ZFYVE26: variants seen among roughly 807,000 people sequenced by gnomAD.
ZFYVE26 encodes zinc finger FYVE domain-containing protein 26.
Under a neutral mutation model 276.5 loss-of-function variants are expected in ZFYVE26, and 181 were observed. The observed-to-expected ratio is 0.65, with a 90% confidence interval of 0.58 to 0.74. ZFYVE26 has a LOEUF of 0.74. Ranked by LOEUF, ZFYVE26 falls within the 30% of genes least tolerant of loss-of-function variation. The pLI is 0.00. For synonymous variants in ZFYVE26, 1,129 were observed against 1,203.1 expected (o/e 0.94, Z 1.27); for missense variants, 2,821 against 3,097.9 (o/e 0.91, Z 2.12).
intron 37 of ZFYVE26, among the ~76,000 whole-genome samples, chr14:67,754,449 T>C (rs1022031711): frequency 1.3e-5 from 2 of 152,190 alleles, no homozygotes; most frequent in African/African-American, 4.8e-5. Context: ...GGTCCAGTCA[T>C]TGAATCGATA....
rs1423347396 is a variant in ZFYVE26 at position 67,805,478 on chromosome 14, C to A, written c.1158G>T (p.Leu386=). The part of the protein sequence containing the change: ...HCQSLESAKR[L]LQTLHRTQGP... ...CCTGGGTCCTGTGCAGGGTCTGGAG[C>A]AGCCTCTTGGCTGACTCTAGGCTCT... Residue 386 remains leucine, a synonymous_variant, in exon 7 of 42, where the codon CTG becomes CTT. Coordinates refer to ENST00000347230, the MANE Select transcript of ZFYVE26 (RefSeq NM_015346.4). 3 of 1,614,116 alleles carry A rather than the reference C, an allele frequency of 1.9e-6. No individual in the cohort carries two copies. The African/African-American group carries it at 4.0e-5, about 22-fold the overall frequency.
intron 40 of ZFYVE26, among the ~76,000 whole-genome samples, chr14:67,752,055 ACCT>A (rs933490136): frequency 2.6e-5 from 4 of 152,104 alleles, no homozygotes; most frequent in East Asian, 3.8e-4. Flanking sequence ...GCCCACCCTG[ACCT>A]CCTCTAGAAT....
chr14:67,790,048 T>C (rs1178672527), intron 15 of ZFYVE26, among the ~76,000 whole-genome samples: 1 of 152,228 alleles, frequency 6.6e-6, no homozygotes. Context: ...CCATGGTATG[T>C]AGGGCCTAGG....
In ZFYVE26 at chr14:67,781,399, C is replaced by T. The variant is rs1265607406; in HGVS notation, c.4503G>A (p.Thr1501=). The part of the protein sequence containing the change: ...LEILAYCISD[T]AVQEGLKCEL... Reference sequence around the variant, plus strand: ...CACACTTTAGTCCTTCTTGGACAGCCGTGTCTGAAATGCAGTAGGCCAGAA... The same window carrying T: ...CACACTTTAGTCCTTCTTGGACAGCTGTGTCTGAAATGCAGTAGGCCAGAA... Residue 1501 remains threonine, a synonymous_variant, in exon 22 of 42, where the codon ACG becomes ACA. Transcript: ENST00000347230. 25 of 1,614,098 alleles carry T rather than the reference C, an allele frequency of 1.5e-5. No homozygotes were observed. The highest frequency in any genetic ancestry group is 2.2e-5 in the East Asian group (1 of 44,902).
rs556194323 is a variant in ZFYVE26 at position 67,770,157 on chromosome 14, T to A, written c.5485-427A>T. 1.2e-4 allele frequency: 35 copies of A among 281,084 alleles called. No homozygotes were observed. In the East Asian group the frequency reaches 2.9e-3, roughly 23 times the overall value. 17.4% of individuals were successfully genotyped at this position (281,084 alleles called of 1,614,324 possible). A position where few individuals can be genotyped will look rare whatever the true frequency, so the allele number is the denominator to read the frequency against. ...TTTAGCAGGTGCCATTTGTAACACATGATAAACATGAAGCAAGACTTTTAG... is the reference window on the plus strand; with the variant it reads ...TTTAGCAGGTGCCATTTGTAACACAAGATAAACATGAAGCAAGACTTTTAG... On this transcript the variant is annotated intron_variant, in intron 28 of 41. Transcript: ENST00000347230.
Position 67,755,211 on chromosome 14 carries a change from T to G in ZFYVE26, c.6826A>C (p.Ser2276Arg). ...RAAMTCIRFF[S>R]HKAKSYTELG... ...TCTGTATATGACTTTGCTTTGTGAC[T>G]GAAGAACCGAATACAGGTCATGGCG... is the stretch of plus-strand genomic sequence containing the variant. Residue 2276 changes from serine (S) to arginine (R), a missense_variant, in exon 37 of 42, where the codon AGT (serine) becomes CGT (arginine). Physicochemically the swap from Ser to Arg is moderately radical, Grantham distance 110. Coordinates refer to ENST00000347230, the MANE Select transcript of ZFYVE26 (RefSeq NM_015346.4). 6.2e-6 allele frequency: 10 copies of G among 1,614,196 alleles called. No homozygotes were observed. The highest frequency in any genetic ancestry group is 8.5e-6 in the Non-Finnish European group (10 of 1,180,044).
At position 67,746,894 on chromosome 14, in the gene ZFYVE26, A is replaced by G. The variant is rs970575638; in HGVS notation, c.*1542T>C. 8 of 152,664 alleles carry G rather than the reference A, an allele frequency of 5.2e-5. No homozygotes were observed. Among genetic ancestry groups the G allele is most frequent in the African/African-American group, 1.9e-4 (8 of 41,466 alleles). The allele number at this position is 152,664 out of a possible 1,614,324, so 9.5% of individuals were successfully genotyped here. A position where few individuals can be genotyped will look rare whatever the true frequency, so the allele number is the denominator to read the frequency against. Reference sequence around the variant, plus strand: ...GGAAGGAAAAGCCAAACTTTAGCCCAAATGGGTCTAGTAGTTTCATTACAG... The same window carrying G: ...GGAAGGAAAAGCCAAACTTTAGCCCGAATGGGTCTAGTAGTTTCATTACAG... On this transcript the variant is annotated 3_prime_UTR_variant, in exon 42 of 42. Transcript: ENST00000347230.
In ZFYVE26 at chr14:67,789,350, T is replaced by C. The variant is rs753067639; in HGVS notation, c.3004A>G (p.Ser1002Gly). 2 of 1,614,216 alleles carry C rather than the reference T, an allele frequency of 1.2e-6. No homozygotes were observed. The highest frequency in any genetic ancestry group is 1.7e-6 in the Non-Finnish European group (2 of 1,180,044). Reference sequence around the variant, plus strand: ...GCACACTCACCCCGCCTTTCAAGGCTACTATTCAAACGCCGTTCGGCTGTC... The same window carrying C: ...GCACACTCACCCCGCCTTTCAAGGCCACTATTCAAACGCCGTTCGGCTGTC... Reference protein sequence around the residue: ...LETAERRLNSSLERRGRRIDH... With the variant: ...LETAERRLNSGLERRGRRIDH... Residue 1002 changes from serine to glycine, a missense_variant, in exon 16 of 42, where the codon AGC (serine) becomes GGC (glycine). Ser to Gly is a moderately conservative substitution (Grantham distance 56). Coordinates refer to ENST00000347230, the MANE Select transcript of ZFYVE26 (RefSeq NM_015346.4).
At chr14:67,762,181 A>C in intron 34 of ZFYVE26, 22 bp downstream of exon 34, 1 of 1,613,046 alleles carries the variant, frequency 6.2e-7, no homozygotes, top group Non-Finnish European at 8.5e-7. Flanking sequence ...TGAGCCAGGC[A>C]CTCTTCCTGC....
Position 67,761,277 on chromosome 14 carries a change from CA to C in ZFYVE26, c.6588+88del, listed in dbSNP as rs762034800. ...CATAGCTCAACACAGGGTTAAGTGT[CA>C]GGGGGTTATTGTCCCGCTTAAGGCT... is the stretch of plus-strand genomic sequence containing the variant. On this transcript the variant is annotated intron_variant, in intron 35 of 41. Transcript: ENST00000347230. The C allele has an allele frequency of 1.0e-4, 123 of 1,226,514 alleles. No individual in the cohort carries two copies. In the African/African-American group the frequency reaches 1.6e-3, roughly 16 times the overall value. 76.0% of individuals were successfully genotyped at this position (1,226,514 alleles called of 1,614,324 possible).
intron 9 of ZFYVE26, 104 bp from the exon 10 acceptor site, chr14:67,802,386 T>C: frequency 2.6e-6 from 3 of 1,168,942 alleles, no homozygotes; most frequent in Admixed American, 1.9e-5. Flanking sequence ...GGTCCACTTG[T>C]AGGTTCTTAC....
chr14:67,810,178 T>G (rs906462431), intron 3 of ZFYVE26, among the ~76,000 whole-genome samples: 4 of 152,230 alleles, frequency 2.6e-5, no homozygotes, highest in African/African-American at 9.6e-5. Context: ...AGCCGTAAGT[T>G]CCAAGGTTTG....
chr14:67,730,302 C>T (rs888622816), intron 13 of ZFYVE26, among the ~76,000 whole-genome samples: 23 of 152,174 alleles, frequency 1.5e-4, no homozygotes, highest in African/African-American at 5.6e-4. Flanking sequence ...AGTATGGTAG[C>T]CACTAGCCAC....
chr14:67,750,237 T>C (rs955040956), intron 41 of ZFYVE26, among the ~76,000 whole-genome samples: 1 of 152,176 alleles, frequency 6.6e-6, no homozygotes, highest in South Asian at 2.1e-4. Context: ...AATGAAGAAA[T>C]GTTTAGAACT....
chr14:67,734,081 G>A (rs2038322109), intron 13 of ZFYVE26: 2 of 402,254 alleles, frequency 5.0e-6, no homozygotes, highest in Admixed American at 6.7e-5. Flanking sequence ...GACCTGGAAA[G>A]TCAGCAACCC....
rs769546135 is a variant in ZFYVE26, at chr14:67,733,829, T to C, written n.2680-4010A>G. The C allele has an allele frequency of 1.2e-6, 2 of 1,612,816 alleles. No homozygotes were observed. The highest frequency in any genetic ancestry group is 1.7e-6 in the Non-Finnish European group (2 of 1,179,140). On this transcript the variant is annotated intron_variant and non_coding_transcript_variant, in intron 13 of 14. Coordinates refer to the ZFYVE26 transcript ENST00000394455. ...CTATGGAATGTCAGCTGTGAGCTTCTAGGAATCCGGTGGGAGTAGCTGGTG... is the reference window on the plus strand; with the variant it reads ...CTATGGAATGTCAGCTGTGAGCTTCCAGGAATCCGGTGGGAGTAGCTGGTG...
In ZFYVE26 at chr14:67,782,859, C is replaced by G. The variant is rs373740172; in HGVS notation, c.4293G>C (p.Gln1431His). 7.6e-5 allele frequency: 122 copies of G among 1,614,104 alleles called. No homozygotes were observed. Among genetic ancestry groups the G allele is most frequent in the Middle Eastern group, 6.6e-4 (4 of 6,084 alleles). ...LVARDWSRAL[Q>H]LTEVYGRDVD... is the part of the protein sequence containing the mutation. ...CATCTCGCCCGTACACTTCAGTGAG[C>G]TGAAGGGCCCGGGACCAATCTCTGG... The change falls in exon 21 of 42, where the codon CAG becomes CAC. Residue 1431 changes from glutamine to histidine, a missense_variant. Coordinates refer to ENST00000347230, the MANE Select transcript of ZFYVE26 (RefSeq NM_015346.4).
chr14:67,759,262 A>G (rs2038870382), intron 35 of ZFYVE26, among the ~76,000 whole-genome samples: 1 of 131,618 alleles, frequency 7.6e-6, no homozygotes, highest in Non-Finnish European at 1.6e-5. Flanking sequence ...AAAAAAAAAA[A>G]AAAAGGAAAA....
intron 3 of ZFYVE26, among the ~76,000 whole-genome samples, chr14:67,811,767 ATG>A (rs2040306869): frequency 6.7e-6 from 1 of 149,378 alleles, no homozygotes; most frequent in Non-Finnish European, 1.5e-5. Flanking sequence ...TATATAACAT[ATG>A]TTAGTTTGCT....
Sources: allele counts gnomAD v4.1 joint callset (sites outside exome capture counted in the v4.1 genomes callset), GRCh38; gene constraint gnomAD v4.1.1; transcripts MANE v1.5; gene names NCBI Gene and HGNC (gene_info 2026-07-23, HGNC 2026-07-21).